The following TACC2 variants were observed in gnomAD, a reference collection of about 807,000 sequenced individuals.
TACC2 encodes transforming acidic coiled-coil containing protein 2, also known as transforming acidic coiled-coil-containing protein 2.
A neutral mutation model predicts 227.3 loss-of-function variants in TACC2; 137 were observed. That is an observed-to-expected ratio of 0.60 (90% CI 0.52 to 0.69). The LOEUF (loss-of-function observed/expected upper bound fraction) is 0.69. TACC2 is among the 30% of genes least tolerant of loss of function. The probability of loss-of-function intolerance (pLI) is 0.00; values close to 1 mark genes in which losing one functional copy is unlikely to be tolerated. For synonymous variants in TACC2, 1,523 were observed against 1,487.5 expected (o/e 1.02, Z -0.55); for missense variants, 3,470 against 3,694.4 (o/e 0.94, Z 1.57).
At chr10:122,059,934 C>T (rs1332786412) in intron 3 of TACC2, among the ~76,000 whole-genome samples, 1 of 146,790 alleles carries the variant, frequency 6.8e-6, no homozygotes, top group Admixed American at 7.0e-5. Context: ...CAGGGTGGGG[C>T]CTAGTGATGT....
chr10:122,141,577 G>A lies in TACC2; in HGVS notation c.5700-1995G>A, dbSNP rs1450461170. Among the ~76,000 whole-genome samples, 1 of 152,046 alleles carries A rather than the reference G, an allele frequency of 6.6e-6. No homozygotes were observed. The highest frequency in any genetic ancestry group is 1.5e-5 in the Non-Finnish European group (1 of 68,004). Reference sequence around the variant, plus strand: ...TGCCCCAGGGTGTTCTCAGAGATGGGGCAGGTGTAGCCTTGGGCATCTGCA... The same window carrying A: ...TGCCCCAGGGTGTTCTCAGAGATGGAGCAGGTGTAGCCTTGGGCATCTGCA... On this transcript the variant is annotated intron_variant, in intron 6 of 22. Transcript: ENST00000369005. The surrounding 1 kb of genome is among the most constrained non-coding windows in gnomAD (Gnocchi z 4.3).
chr10:122,070,753 CAAA>C (rs367744186), intron 3 of TACC2, among the ~76,000 whole-genome samples: 4 of 99,630 alleles, frequency 4.0e-5, no homozygotes, highest in Non-Finnish European at 1.9e-5. Context: ...AATTCCGTCT[CAAA>C]AAAAAAAAAA....
chr10:122,028,097 T>A (rs949107894), intron 2 of TACC2, among the ~76,000 whole-genome samples: 11 of 136,126 alleles, frequency 8.1e-5, no homozygotes, highest in Admixed American at 3.7e-4. Flanking sequence ...TTTTTTTTTT[T>A]TTTTTTTTGA....
chr10:122,002,256 C>T (rs1327234812), intron 1 of TACC2, among the ~76,000 whole-genome samples: 2 of 152,170 alleles, frequency 1.3e-5, no homozygotes, highest in African/African-American at 2.4e-5. Context: ...TGACTCACCT[C>T]CAAATACCTT....
intron 7 of TACC2, among the ~76,000 whole-genome samples, chr10:122,168,405 G>C (rs1479284953): frequency 6.6e-6 from 1 of 152,194 alleles, no homozygotes; most frequent in Non-Finnish European, 1.5e-5. Context: ...TAGAGTGGGA[G>C]GGGGAGATTG....
chr10:122,236,535 C>G (rs1040940769), intron 16 of TACC2, among the ~76,000 whole-genome samples: 2 of 152,262 alleles, frequency 1.3e-5, no homozygotes, highest in African/African-American at 4.8e-5. Flanking sequence ...CGCATTTCAA[C>G]TGTGTTGCAA....
chr10:122,006,823 T>C (rs1455330654), intron 1 of TACC2, among the ~76,000 whole-genome samples: 2 of 151,964 alleles, frequency 1.3e-5, no homozygotes, highest in Non-Finnish European at 2.9e-5. Context: ...TATTTATTTC[T>C]TTATGCCATT....
At position 122,141,942 on chromosome 10, in the gene TACC2, A is replaced by G. The variant is rs2090630104; in HGVS notation, c.5700-1630A>G. ...TACATGTCAGCCTCCAAAGTGCAAA[A>G]TAGCTCTCTTAAGGAGCTTAAATGC... On this transcript the variant is annotated intron_variant, in intron 6 of 22. Transcript: ENST00000369005. The surrounding 1 kb of genome is among the most constrained non-coding windows in gnomAD (Gnocchi z 4.3). Among the ~76,000 whole-genome samples, 1 of 152,228 alleles carries G rather than the reference A, an allele frequency of 6.6e-6. No individual in the cohort carries two copies. Among genetic ancestry groups the G allele is most frequent in the South Asian group, 2.1e-4 (1 of 4,832 alleles).
intron 7 of TACC2, chr10:122,163,796 C>A: frequency 8.1e-7 from 1 of 1,241,878 alleles, no homozygotes; most frequent in Non-Finnish European, 1.0e-6. Flanking sequence ...CACGGATGCC[C>A]GCAGCTGCTC....
chr10:122,107,411 A>T (rs1298726854), intron 5 of TACC2, among the ~76,000 whole-genome samples: 1 of 152,006 alleles, frequency 6.6e-6, no homozygotes, highest in Non-Finnish European at 1.5e-5. Flanking sequence ...CAACATGGTG[A>T]AACCCCGTCT....
chr10:122,036,101 G>T (rs571934168), intron 2 of TACC2, among the ~76,000 whole-genome samples: 1 of 152,240 alleles, frequency 6.6e-6, no homozygotes, highest in Middle Eastern at 3.4e-3. Context: ...ATGCCCTCAA[G>T]GTTCACCCAT....
At chr10:122,021,000 G>C (rs2135519844) in intron 1 of TACC2, among the ~76,000 whole-genome samples, 1 of 152,262 alleles carries the variant, frequency 6.6e-6, no homozygotes, top group South Asian at 2.1e-4. Context: ...GGGAGGCCAA[G>C]GTGGGTGGAT....
In TACC2 at chr10:122,003,167, C is replaced by T. The variant is rs562235722; in HGVS notation, c.-46+13679C>T. 6.1e-4 allele frequency among the ~76,000 whole-genome samples: 93 copies of T among 152,166 alleles called. 1 individual carries two copies. The South Asian group carries it at 0.019, about 31-fold the overall frequency. On this transcript the variant is annotated intron_variant, in intron 1 of 22. Transcript: ENST00000369005. ...GCAGTGAGCCGAGATCACATCATTG[C>T]ACTCCCTAGCCTAGACGACAAAGCA...
chr10:122,123,433 A>G (rs2086223792), intron 5 of TACC2, among the ~76,000 whole-genome samples: 1 of 152,310 alleles, frequency 6.6e-6, no homozygotes, highest in Admixed American at 6.5e-5. Flanking sequence ...ATCACTAAAA[A>G]GCACAATGTG....
chr10:122,218,028 T>C (rs2095446405), intron 11 of TACC2, among the ~76,000 whole-genome samples: 1 of 152,058 alleles, frequency 6.6e-6, no homozygotes, highest in South Asian at 2.1e-4. Flanking sequence ...CACTGCAACC[T>C]CCGCCTCCTG....
At chr10:122,062,923 A>ACACAC (rs2076993875) in intron 3 of TACC2, among the ~76,000 whole-genome samples, 1 of 152,156 alleles carries the variant, frequency 6.6e-6, no homozygotes, top group Non-Finnish European at 1.5e-5. Flanking sequence ...GCTGTAGATG[A>ACACAC]CCCAAGGGGG....
rs114187711 is a variant in TACC2 at position 122,061,407 on chromosome 10, T to A, written c.146+10857T>A. On this transcript the variant is annotated intron_variant, in intron 3 of 22. Transcript: ENST00000369005. ...ATGTGAAAAGCACTAAGGTCAGGTG[T>A]GTCTGCCGAGTTCCACGGCCACAGA... Among the ~76,000 whole-genome samples, 1,189 of 151,858 alleles carry A rather than the reference T, an allele frequency of 7.8e-3. 23 individuals are homozygous for A. The highest frequency in any genetic ancestry group is 0.027 in the African/African-American group (1,129 of 41,362).
chr10:122,224,973 C>T (rs1034784663), intron 12 of TACC2, among the ~76,000 whole-genome samples, 186 bp downstream of exon 12: 4 of 150,152 alleles, frequency 2.7e-5, no homozygotes, highest in Non-Finnish European at 4.4e-5. Context: ...CAATCCACTT[C>T]GTTTGACATT....
At chr10:121,993,234 T>C (rs1216160744) in intron 1 of TACC2, among the ~76,000 whole-genome samples, 1 of 152,220 alleles carries the variant, frequency 6.6e-6, no homozygotes, top group African/African-American at 2.4e-5. Flanking sequence ...CTCAGTCTTC[T>C]TAAGGAAGAC....
Sources: gnomAD v4.1 joint callset for allele counts (sites outside exome capture counted in the v4.1 genomes callset) on GRCh38, gnomAD v4.1.1 for gene constraint, Gnocchi (gnomAD v3.1) non-coding constraint, MANE v1.5 for transcripts, NCBI Gene and HGNC (gene_info 2026-07-23, HGNC 2026-07-21) for gene names.